The following HECW1 variants were observed in gnomAD, a reference collection of about 807,000 sequenced individuals.
The protein encoded by HECW1 is E3 ubiquitin-protein ligase HECW1.
Under a neutral mutation model 182.3 loss-of-function variants are expected in HECW1, and 61 were observed. The observed-to-expected ratio is 0.33, with a 90% CI of 0.27 to 0.41. The LOEUF (loss-of-function observed/expected upper bound fraction) is 0.41, where lower values mean the gene tolerates loss of function less well. Among genes scored for constraint, HECW1 ranks in the 10% least tolerant of loss-of-function variants. The probability of loss-of-function intolerance (pLI) is 1.00; values close to 1 mark genes in which losing one functional copy is unlikely to be tolerated. For missense variants in HECW1, 1,739 were observed against 2,108.9 expected, an observed-to-expected ratio of 0.82 and a Z score of 3.44; for synonymous variants, 859 against 832.6, an observed-to-expected ratio of 1.03 and a Z score of -0.55.
At chr7:43,145,619 G>A (rs1214405661) in intron 2 of HECW1, among the ~76,000 whole-genome samples, 1 of 152,126 alleles carries the variant, frequency 6.6e-6, no homozygotes, top group African/African-American at 2.4e-5. Context: ...TGGAGGCAGA[G>A]GTGTCTTCCT....
chr7:43,186,822 AG>A (rs1225641202), intron 2 of HECW1, among the ~76,000 whole-genome samples: 2 of 152,232 alleles, frequency 1.3e-5, no homozygotes, highest in South Asian at 4.1e-4. Context: ...TCAGCCTAGA[AG>A]CAATAGGTCA....
At chr7:43,507,054 A>G in intron 21 of HECW1, 83 bp from the exon 22 acceptor site, 1 of 1,506,520 alleles carries the variant, frequency 6.6e-7, no homozygotes, top group Non-Finnish European at 8.9e-7. Flanking sequence ...TGGGCAACAG[A>G]GCGAGACTCC....
chr7:43,519,355 C>G (rs894743155), intron 24 of HECW1, among the ~76,000 whole-genome samples: 4 of 152,118 alleles, frequency 2.6e-5, no homozygotes, highest in Non-Finnish European at 5.9e-5. Flanking sequence ...AAGCGATTCT[C>G]CTGCCTCAGC....
At chr7:43,464,569 G>A (rs2077697241) in intron 14 of HECW1, among the ~76,000 whole-genome samples, 1 of 152,000 alleles carries the variant, frequency 6.6e-6, no homozygotes. Context: ...TTTTAAGTTG[G>A]GTAAATGATG....
Position 43,407,994 on chromosome 7 carries a change from C to T in HECW1, c.801+263C>T, listed in dbSNP as rs996047280. ...TTCAGAACCCATGCCGCGAGCAGGA[C>T]GGCCTTTCCCTCTGCCCTTCATGTG... is the stretch of plus-strand genomic sequence containing the variant. On this transcript the variant is annotated intron_variant, in intron 8 of 29. Coordinates refer to ENST00000395891, the MANE Select transcript of HECW1 (RefSeq NM_015052.5). 9.8e-5 allele frequency among the ~76,000 whole-genome samples: 15 copies of T among 152,296 alleles called. 1 individual carries two copies. Among genetic ancestry groups the T allele is most frequent in the East Asian group, 7.7e-4 (4 of 5,186 alleles).
chr7:43,243,994 C>A lies in HECW1; in HGVS notation c.27+62C>A. 7.7e-7 allele frequency: 1 copy of A among 1,296,104 alleles called. No homozygotes were observed. The highest frequency in any genetic ancestry group is 1.5e-5 in the African/African-American group (1 of 68,888). 80.3% of individuals were successfully genotyped at this position (1,296,104 alleles called of 1,614,324 possible). On this transcript the variant is annotated intron_variant, in intron 3 of 29. Transcript: ENST00000395891. The surrounding 1 kb of genome is among the most constrained non-coding windows in gnomAD (Gnocchi z 4.0). ...GTCATTCCATTATAAACCCACTCCA[C>A]TCATAATGGAATGTGCCTCAGCCTA... is the stretch of plus-strand genomic sequence containing the variant.
At chr7:43,433,169 A>G (rs2076605969) in intron 8 of HECW1, among the ~76,000 whole-genome samples, 1 of 152,258 alleles carries the variant, frequency 6.6e-6, no homozygotes, top group South Asian at 2.1e-4. Flanking sequence ...TAAGAATGCC[A>G]ACAAAAAATA....
intron 2 of HECW1, among the ~76,000 whole-genome samples, chr7:43,154,748 C>G (rs536117205): frequency 1.3e-5 from 2 of 152,328 alleles, no homozygotes; most frequent in South Asian, 2.1e-4. Context: ...AGACATCTCC[C>G]TGCTCTCAAA....
intron 3 of HECW1, among the ~76,000 whole-genome samples, chr7:43,307,927 CAT>C (rs200897031): frequency 0.12 from 15,432 of 133,508 alleles, 1,093 homozygotes; most frequent in Middle Eastern, 0.22. Flanking sequence ...TACACACACA[CAT>C]ATAGTGAAAT....
chr7:43,283,385 C>T (rs992644995), intron 3 of HECW1, among the ~76,000 whole-genome samples: 4 of 152,136 alleles, frequency 2.6e-5, no homozygotes, highest in Non-Finnish European at 5.9e-5. Flanking sequence ...TTCTGTTAAA[C>T]CAGCTCTTAA....
intron 2 of HECW1, among the ~76,000 whole-genome samples, chr7:43,224,825 GA>G (rs1161575502): frequency 6.6e-6 from 1 of 152,148 alleles, no homozygotes; most frequent in Admixed American, 6.5e-5. Flanking sequence ...ACCAAACAAA[GA>G]AAGAAAAAGG....
chr7:43,182,925 AT>A (rs66739601), intron 2 of HECW1, among the ~76,000 whole-genome samples: 36,131 of 151,582 alleles, frequency 0.24, 4,492 homozygotes, highest in Middle Eastern at 0.26. Flanking sequence ...CTAGAAATAG[AT>A]TTTTTTTTGG....
At position 43,360,906 on chromosome 7, in the gene HECW1, A is replaced by C; in HGVS notation, c.481A>C (p.Lys161Gln). ...TTCAGCTGAAACTAAGATCTGCTTC[A>C]AATACTACCATGGAGTGAGTGGGGC... The part of the protein sequence containing the change: ...FVEPETKICF[K>Q]YYHGVSGALR... The change falls in exon 6 of 30, where the codon AAA becomes CAA. Residue 161 changes from lysine (K) to glutamine (Q), a missense_variant. Lys to Gln is a moderately conservative substitution (Grantham distance 53, BLOSUM62 1). This residue lies in a region of HECW1 where 279 missense variants were observed against 353.1 expected (regional missense o/e 0.79). Transcript: ENST00000395891. 1.9e-6 allele frequency: 3 copies of C among 1,614,074 alleles called. No homozygotes were observed. Among genetic ancestry groups the C allele is most frequent in the Non-Finnish European group, 2.5e-6 (3 of 1,179,968 alleles).
chr7:43,504,706 C>T (rs909075771), intron 21 of HECW1, among the ~76,000 whole-genome samples: 1 of 152,170 alleles, frequency 6.6e-6, no homozygotes, highest in Non-Finnish European at 1.5e-5. Flanking sequence ...TTTCGATCTC[C>T]TCTACTATTA....
chr7:43,228,142 T>C (rs1172553559), intron 2 of HECW1, among the ~76,000 whole-genome samples: 2 of 152,052 alleles, frequency 1.3e-5, no homozygotes, highest in African/African-American at 2.4e-5. Flanking sequence ...ATACACAAAA[T>C]TAAAAAGCAA....
chr7:43,190,997 T>A (rs1439840998), intron 2 of HECW1, among the ~76,000 whole-genome samples: 2 of 152,078 alleles, frequency 1.3e-5, no homozygotes, highest in African/African-American at 4.8e-5. Flanking sequence ...TTGGTGCAAG[T>A]ACCCACCAAG....
At chr7:43,384,433 C>A (rs1007252962) in intron 6 of HECW1, among the ~76,000 whole-genome samples, 1 of 152,184 alleles carries the variant, frequency 6.6e-6, no homozygotes, top group Admixed American at 6.5e-5. Context: ...TGGCGGTGTG[C>A]CTGGGGCTGG....
chr7:43,267,289 G>A (rs547763848), intron 3 of HECW1, among the ~76,000 whole-genome samples: 24 of 151,950 alleles, frequency 1.6e-4, no homozygotes, highest in Admixed American at 3.3e-4. Context: ...CACATTTTCC[G>A]ATCACAATAC....
At chr7:43,503,244 T>C (rs1480293246) in intron 21 of HECW1, among the ~76,000 whole-genome samples, 2 of 152,190 alleles carry the variant, frequency 1.3e-5, no homozygotes, top group Admixed American at 6.5e-5. Flanking sequence ...CCGACATCAA[T>C]ACAGTCACAC....
Sources: gnomAD v4.1 joint callset for allele counts (sites outside exome capture counted in the v4.1 genomes callset) on GRCh38, gnomAD v4.1.1 for gene constraint, gnomAD v4.1.1 regional missense constraint, Gnocchi (gnomAD v3.1) non-coding constraint, MANE v1.5 for transcripts, NCBI Gene and HGNC (gene_info 2026-07-23, HGNC 2026-07-21) for gene names.